Variants in DLGAP2 observed in about 807,000 individuals in gnomAD.
DLGAP2 encodes DLG associated protein 2, also known as disks large-associated protein 2.
Under a neutral mutation model 100.3 loss-of-function variants are expected in DLGAP2, and 26 were observed. The ratio of observed to expected loss-of-function variants is 0.26; its 90% CI spans 0.19 to 0.36. The LOEUF (loss-of-function observed/expected upper bound fraction) is 0.36. Among genes scored for constraint, DLGAP2 ranks in the 10% least tolerant of loss-of-function variants. The pLI, the probability that DLGAP2 is intolerant of heterozygous loss-of-function variation, is 1.00. For missense variants in DLGAP2, 1,858 were observed against 1,453.2 expected (o/e 1.28, Z -4.53); for synonymous variants, 886 against 630.1 (o/e 1.41, Z -6.08).
chr8:1,382,201 T>C (rs1050267914), intron 3 of DLGAP2, among the ~76,000 whole-genome samples: 3 of 152,198 alleles, frequency 2.0e-5, no homozygotes, highest in Non-Finnish European at 4.4e-5. Context: ...TACAGTAAAG[T>C]AAGCTAGAGA....
At chr8:1,600,963 G>C (rs1024219488) in intron 6 of DLGAP2, among the ~76,000 whole-genome samples, 1 of 152,196 alleles carries the variant, frequency 6.6e-6, no homozygotes, top group African/African-American at 2.4e-5. Flanking sequence ...CTGGTTTTTG[G>C]AATTTTCAAC....
At chr8:1,493,637 A>C (rs886814867) in intron 3 of DLGAP2, among the ~76,000 whole-genome samples, 1 of 152,196 alleles carries the variant, frequency 6.6e-6, no homozygotes, top group African/African-American at 2.4e-5. Flanking sequence ...TCCTGTAAGC[A>C]AAGGTGTCCA....
At chr8:862,486 T>C (rs1248979819) in intron 1 of DLGAP2, among the ~76,000 whole-genome samples, 1 of 152,138 alleles carries the variant, frequency 6.6e-6, no homozygotes, top group Non-Finnish European at 1.5e-5. Flanking sequence ...GTATATTTAC[T>C]AGAGACGGGA....
At chr8:1,554,555 C>A (rs1405758478) in intron 5 of DLGAP2, among the ~76,000 whole-genome samples, 1 of 152,126 alleles carries the variant, frequency 6.6e-6, no homozygotes, top group African/African-American at 2.4e-5. Flanking sequence ...TTGAGGGTCC[C>A]TCTGCTGCCC....
intron 6 of DLGAP2, among the ~76,000 whole-genome samples, chr8:1,590,227 C>G (rs1030211429): frequency 6.6e-6 from 1 of 152,150 alleles, no homozygotes; most frequent in East Asian, 1.9e-4. Context: ...TATTTCCAAG[C>G]GAGGTCATGT....
chr8:1,232,816 T>G (rs1047690511), intron 2 of DLGAP2, among the ~76,000 whole-genome samples: 4 of 152,184 alleles, frequency 2.6e-5, no homozygotes, highest in African/African-American at 9.7e-5. Context: ...TATCGCAAGG[T>G]TTAGCTTTTT....
At chr8:1,386,743 G>C (rs899880696) in intron 3 of DLGAP2, among the ~76,000 whole-genome samples, 1 of 152,104 alleles carries the variant, frequency 6.6e-6, no homozygotes, top group African/African-American at 2.4e-5. Context: ...GGGGAGGAAA[G>C]CCCAGGCCAC....
At chr8:739,102 T>G (rs1265327438) in intron 1 of DLGAP2, 1 of 153,296 alleles carries the variant, frequency 6.5e-6, no homozygotes, top group East Asian at 1.9e-4. Context: ...GATAAAGCGA[T>G]CAGCAGTGAA....
At chr8:1,410,213 G>A (rs1488258127) in intron 3 of DLGAP2, among the ~76,000 whole-genome samples, 3 of 152,138 alleles carry the variant, frequency 2.0e-5, no homozygotes, top group African/African-American at 7.2e-5. Flanking sequence ...ATCTGGGAGT[G>A]GTTGGAATCT....
At chr8:1,258,633 G>T (rs1004958257) in intron 2 of DLGAP2, among the ~76,000 whole-genome samples, 6 of 152,100 alleles carry the variant, frequency 3.9e-5, no homozygotes, top group Non-Finnish European at 8.8e-5. Flanking sequence ...AAGTAAAAAT[G>T]TCATCTGTAA....
At chr8:1,432,219 G>A (rs1161915611) in intron 3 of DLGAP2, among the ~76,000 whole-genome samples, 1 of 152,202 alleles carries the variant, frequency 6.6e-6, no homozygotes, top group Non-Finnish European at 1.5e-5. Context: ...TGCTGTAAAA[G>A]CCAGTGGCTA....
Position 822,024 on chromosome 8 carries a change from T to C in DLGAP2, c.18+84199T>C, listed in dbSNP as rs573436356. The C allele has an allele frequency of 1.0e-5, 4 of 398,044 alleles. No homozygotes were observed. The East Asian group carries it at 1.4e-4, about 14-fold the overall frequency. 24.7% of individuals were successfully genotyped at this position (398,044 alleles called of 1,614,324 possible). A position where few individuals can be genotyped will look rare whatever the true frequency, so the allele number is the denominator to read the frequency against. ...ACTTTTTAATGTACATTCCATTTTT[T>C]TCCCCATAGGGGAGGTTATTTACCC... On this transcript the variant is annotated intron_variant, in intron 1 of 14. Transcript: ENST00000637795.
At chr8:1,356,319 T>C (rs1387439252) in intron 3 of DLGAP2, among the ~76,000 whole-genome samples, 1 of 152,182 alleles carries the variant, frequency 6.6e-6, no homozygotes. Flanking sequence ...CACCTTACGG[T>C]TTCAACGTTT....
At chr8:739,554 G>C (rs773275309) in intron 1 of DLGAP2, 1 of 152,224 alleles carries the variant, frequency 6.6e-6, no homozygotes, top group African/African-American at 2.4e-5. Context: ...CCTTTTCTCT[G>C]AGAAAGGTAA....
chr8:1,191,968 T>C (rs1797649791), intron 2 of DLGAP2, among the ~76,000 whole-genome samples: 1 of 152,220 alleles, frequency 6.6e-6, no homozygotes, highest in Admixed American at 6.5e-5. Context: ...AGCAATGACT[T>C]CAAAACTTAA....
At chr8:1,544,627 A>AT (rs1435165822) in intron 4 of DLGAP2, among the ~76,000 whole-genome samples, 1 of 151,910 alleles carries the variant, frequency 6.6e-6, no homozygotes, top group Admixed American at 6.6e-5. Flanking sequence ...ACATTGATTG[A>AT]TTTTCCTATG....
chr8:1,010,605 A>G (rs1457372448), intron 2 of DLGAP2, among the ~76,000 whole-genome samples: 1 of 152,206 alleles, frequency 6.6e-6, no homozygotes, highest in African/African-American at 2.4e-5. Context: ...ACGACATCAA[A>G]TGGAGCTTAA....
At chr8:1,699,613 C>CA (rs897496901) in intron 14 of DLGAP2, among the ~76,000 whole-genome samples, 62 of 142,134 alleles carry the variant, frequency 4.4e-4, no homozygotes, top group East Asian at 2.2e-3. Context: ...GACTCTGTCT[C>CA]AAAAAAAAAA....
At chr8:1,089,753 C>T (rs1009175314) in intron 2 of DLGAP2, among the ~76,000 whole-genome samples, 4 of 152,192 alleles carry the variant, frequency 2.6e-5, no homozygotes, top group African/African-American at 7.2e-5. Flanking sequence ...GTGTTTTCCT[C>T]TGGAGGACAT....
Sources: allele counts gnomAD v4.1 joint callset (sites outside exome capture counted in the v4.1 genomes callset), GRCh38; gene constraint gnomAD v4.1.1; transcripts MANE v1.5; gene names NCBI Gene and HGNC (gene_info 2026-07-23, HGNC 2026-07-21).